The following ADGRF3 variants were observed in gnomAD, a reference collection of about 807,000 sequenced individuals.
The protein encoded by ADGRF3 is adhesion G protein-coupled receptor F3, also known as G protein-coupled receptor 113.
ADGRF3 carries 85 observed loss-of-function variants against 93.2 expected under a neutral mutation model. The ratio of observed to expected loss-of-function variants is 0.91; its 90% CI spans 0.77 to 1.09. The LOEUF is 1.09. Ranked by LOEUF, ADGRF3 falls within the 50% of genes least tolerant of loss-of-function variation. The pLI, the probability that ADGRF3 is intolerant of heterozygous loss-of-function variation, is 0.00. For synonymous variants in ADGRF3, 534 were observed against 532.5 expected, an observed-to-expected ratio of 1.00 and a Z score of -0.04; for missense variants, 1,125 against 1,246.2, an observed-to-expected ratio of 0.90 and a Z score of 1.46.
chr2:26,310,193 T>G lies in ADGRF3; in HGVS notation c.2874+3A>C, dbSNP rs772405253. 2 of 1,614,026 alleles carry G rather than the reference T, an allele frequency of 1.2e-6. No homozygotes were observed. The highest frequency in any genetic ancestry group is 4.5e-5 in the East Asian group (2 of 44,872). ...AGGCAGGGGGTTAGGTGGGCAGACT[T>G]ACCTTCCTGTCCATGAGGCAACCAA... On this transcript the variant is annotated splice_donor_region_variant and intron_variant, in intron 11 of 13. Transcript: ENST00000651242.
intron 1 of ADGRF3, among the ~76,000 whole-genome samples, chr2:26,331,823 T>C (rs933735306): frequency 3.3e-5 from 5 of 152,204 alleles, no homozygotes; most frequent in African/African-American, 9.7e-5. Flanking sequence ...GGTTTAGTTT[T>C]TTTTTTAATC....
At chr2:26,317,636 G>T in intron 1 of ADGRF3, 74 bp from the exon 2 acceptor site, 2 of 1,317,830 alleles carry the variant, frequency 1.5e-6, no homozygotes, top group Non-Finnish European at 2.1e-6. Context: ...ACTAGTCTCA[G>T]CCAGCATGAC....
intron 8 of ADGRF3, 40 bp from the exon 9 acceptor site, chr2:26,313,162 G>A (rs1239002361): frequency 6.2e-7 from 1 of 1,608,598 alleles, no homozygotes. Flanking sequence ...ACACATGGTG[G>A]AATGATGGTT....
intron 1 of ADGRF3, 162 bp downstream of exon 1, chr2:26,345,959 C>G (rs1373621457): frequency 1.5e-5 from 10 of 663,412 alleles, no homozygotes; most frequent in Non-Finnish European, 5.0e-6. Flanking sequence ...CTGATCCACG[C>G]CGATTGGACA....
chr2:26,314,675 C>T, intron 5 of ADGRF3, 52 bp from the exon 6 acceptor site: 2 of 1,485,898 alleles, frequency 1.3e-6, no homozygotes, highest in South Asian at 2.4e-5. Flanking sequence ...CCCGCTGCAC[C>T]ACAGAATCTC....
At chr2:26,336,990 A>C (rs1676093203) in intron 1 of ADGRF3, among the ~76,000 whole-genome samples, 1 of 152,192 alleles carries the variant, frequency 6.6e-6, no homozygotes, top group African/African-American at 2.4e-5. Flanking sequence ...AAAGCCAATG[A>C]CAAGAGTTTT....
rs1558389967 is a variant in ADGRF3 at position 26,318,877 on chromosome 2, C to T, written c.115-1315G>A. On this transcript the variant is annotated intron_variant, in intron 1 of 13. Transcript: ENST00000651242. The stretch of plus-strand genomic sequence containing the variant: ...CTCAGCCCTTTCCCCACTACCTATC[C>T]TTTCATTCCATGCTTTGTCTCTCCC... The T allele has an allele frequency of 2.6e-6, 4 of 1,547,720 alleles. No individual in the cohort carries two copies. The highest frequency in any genetic ancestry group is 2.6e-6 in the Non-Finnish European group (3 of 1,143,738).
intron 1 of ADGRF3, chr2:26,318,005 C>T: frequency 6.5e-7 from 1 of 1,542,694 alleles, no homozygotes. Context: ...TACATTATTT[C>T]CTCACCAACT....
intron 1 of ADGRF3, among the ~76,000 whole-genome samples, chr2:26,337,577 T>C (rs1034512705): frequency 7.2e-5 from 11 of 152,250 alleles, no homozygotes; most frequent in African/African-American, 2.7e-4. Flanking sequence ...ACTTGTTACA[T>C]GGCAAAACAT....
intron 1 of ADGRF3, among the ~76,000 whole-genome samples, chr2:26,336,760 A>G (rs2147921431): frequency 7.2e-6 from 1 of 138,056 alleles, no homozygotes; most frequent in East Asian, 2.5e-4. Flanking sequence ...AAAGCAATCA[A>G]GGGAGAAGGG....
chr2:26,316,176 G>T, intron 4 of ADGRF3, 99 bp downstream of exon 4: 3 of 1,268,006 alleles, frequency 2.4e-6, no homozygotes, highest in Non-Finnish European at 3.2e-6. Context: ...AGCTGTGCTT[G>T]GACCAGCTGG....
intron 1 of ADGRF3, among the ~76,000 whole-genome samples, chr2:26,342,421 TG>T (rs1368588484): frequency 6.6e-6 from 1 of 152,224 alleles, no homozygotes; most frequent in Non-Finnish European, 1.5e-5. Context: ...TAACTTATAT[TG>T]GAGTTATTAA....
chr2:26,339,690 C>T (rs977948106), intron 1 of ADGRF3, among the ~76,000 whole-genome samples: 6 of 152,136 alleles, frequency 3.9e-5, no homozygotes, highest in Non-Finnish European at 8.8e-5. Flanking sequence ...ATTTATCTAA[C>T]TGCATGCTAG....
chr2:26,313,626 C>T, intron 7 of ADGRF3, 53 bp from the exon 8 acceptor site: 2 of 1,571,126 alleles, frequency 1.3e-6, no homozygotes, highest in Non-Finnish European at 1.7e-6. Context: ...ACCTGAGCCT[C>T]TCCTTGGGCA....
At chr2:26,323,088 G>A (rs904343733) in intron 1 of ADGRF3, among the ~76,000 whole-genome samples, 20 of 152,154 alleles carry the variant, frequency 1.3e-4, no homozygotes, top group African/African-American at 4.3e-4. Flanking sequence ...GCAGTGAGCC[G>A]AGATTGCACC....
chr2:26,313,917 G>A lies in ADGRF3; in HGVS notation c.929-14C>T, dbSNP rs371721834. 1.9e-5 allele frequency: 30 copies of A among 1,613,564 alleles called. No individual in the cohort carries two copies. The highest frequency in any genetic ancestry group is 1.8e-4 in the East Asian group (8 of 44,888). On this transcript the variant is annotated splice_polypyrimidine_tract_variant and intron_variant, in intron 6 of 13. Coordinates refer to ENST00000651242, the MANE Select transcript of ADGRF3 (RefSeq NM_001321971.2). ...TGAAGGAGGAAGCTGAAGGCAAAAC[G>A]AAGAAGGGAACTGTCATTGGGCCAG...
chr2:26,309,839 A>G lies in ADGRF3; in HGVS notation c.2937+204T>C, dbSNP rs1052769956. ...AGCAGGAGTCCAGGTGATAATCAGG[A>G]ACCCAGGACCCTGATCCTGACTGCT... On this transcript the variant is annotated intron_variant, in intron 12 of 13. Transcript: ENST00000651242. The G allele has an allele frequency of 1.1e-5, 13 of 1,229,706 alleles. No homozygotes were observed. The African/African-American group carries it at 1.4e-4, about 13-fold the overall frequency. 76.2% of individuals were successfully genotyped at this position (1,229,706 alleles called of 1,614,324 possible). A position where few individuals can be genotyped will look rare whatever the true frequency, so the allele number is the denominator to read the frequency against.
At chr2:26,344,862 C>G (rs1013651560) in intron 1 of ADGRF3, among the ~76,000 whole-genome samples, 8 of 152,000 alleles carry the variant, frequency 5.3e-5, no homozygotes, top group Admixed American at 1.3e-4. Flanking sequence ...TACCATATAC[C>G]AGGTATAAGA....
Position 26,346,424 on chromosome 2 carries a change from C to G in ADGRF3, c.-190G>C. On this transcript the variant is annotated 5_prime_UTR_variant, in exon 1 of 14. Transcript: ENST00000651242. ...GCTGGCGGGCGTTCCTCCGGAGGTC[C>G]TGCGGGTCCTGGGGATTGGGGGTCG... 9.0e-7 allele frequency: 1 copy of G among 1,114,142 alleles called. No individual in the cohort carries two copies. Among genetic ancestry groups the G allele is most frequent in the Non-Finnish European group, 1.2e-6 (1 of 821,612 alleles). The allele number at this position is 1,114,142 out of a possible 1,614,324, so 69.0% of individuals were successfully genotyped here. A position where few individuals can be genotyped will look rare whatever the true frequency, so the allele number is the denominator to read the frequency against.
Sources: allele counts gnomAD v4.1 joint callset (sites outside exome capture counted in the v4.1 genomes callset), GRCh38; gene constraint gnomAD v4.1.1; transcripts MANE v1.5; gene names NCBI Gene and HGNC (gene_info 2026-07-23, HGNC 2026-07-21).